The following PCDH15 variants were observed in gnomAD, a reference collection of about 807,000 sequenced individuals.
PCDH15 encodes the protein protocadherin related 15.
PCDH15 carries 129 observed loss-of-function variants against 178.5 expected under a neutral mutation model. The ratio of observed to expected loss-of-function variants is 0.72; its 90% confidence interval spans 0.63 to 0.84. PCDH15 has a LOEUF of 0.84. PCDH15 is among the 40% of genes least tolerant of loss of function. The pLI is 0.00. For missense variants in PCDH15, 2,230 were observed against 2,099.9 expected (o/e 1.06, Z -1.21); for synonymous variants, 800 against 732.0 (o/e 1.09, Z -1.50).
At chr10:54,234,411 C>G (rs111651890) in intron 9 of PCDH15, among the ~76,000 whole-genome samples, 3,629 of 152,086 alleles carry the variant, frequency 0.024, 131 homozygotes, top group African/African-American at 0.082. Flanking sequence ...ATAATCTGGT[C>G]AGGTAGTGGC....
intron 2 of PCDH15, among the ~76,000 whole-genome samples, chr10:54,577,454 T>C (rs2090599861): frequency 1.3e-5 from 2 of 151,982 alleles, no homozygotes; most frequent in African/African-American, 4.8e-5. Context: ...TCAAGAATAA[T>C]GTAAATGCAA....
intron 25 of PCDH15, among the ~76,000 whole-genome samples, chr10:53,937,541 T>C (rs191056481): frequency 6.6e-6 from 1 of 152,328 alleles, no homozygotes; most frequent in Admixed American, 6.5e-5. Context: ...AATTTAATTA[T>C]GTGAGTGATG....
chr10:55,187,836 G>A (rs1034698728), intron 1 of PCDH15, among the ~76,000 whole-genome samples: 1 of 151,922 alleles, frequency 6.6e-6, no homozygotes, highest in African/African-American at 2.4e-5. Context: ...AAAAAAATAT[G>A]GTAATTCCAG....
chr10:55,089,783 A>G (rs2132034394), intron 2 of PCDH15, among the ~76,000 whole-genome samples: 1 of 152,258 alleles, frequency 6.6e-6, no homozygotes, highest in Admixed American at 6.6e-5. Flanking sequence ...TGGAAATCCC[A>G]TTAGAACATC....
intron 2 of PCDH15, among the ~76,000 whole-genome samples, chr10:54,979,037 A>G (rs930336734): frequency 1.2e-4 from 18 of 152,284 alleles, no homozygotes; most frequent in South Asian, 6.2e-4. Context: ...TGATGTAAAT[A>G]TTATTTATCA....
At chr10:54,579,325 A>C (rs1011123522) in intron 2 of PCDH15, among the ~76,000 whole-genome samples, 2 of 152,230 alleles carry the variant, frequency 1.3e-5, no homozygotes, top group Non-Finnish European at 2.9e-5. Flanking sequence ...TGAAAAACAA[A>C]AAAGAACAAC....
intron 2 of PCDH15, among the ~76,000 whole-genome samples, chr10:55,070,370 T>A (rs1310924849): frequency 6.6e-6 from 1 of 151,518 alleles, no homozygotes; most frequent in Non-Finnish European, 1.5e-5. Context: ...ATGTCCTGAA[T>A]GGTAATGCCT....
chr10:55,114,105 C>T (rs1005910785), intron 2 of PCDH15, among the ~76,000 whole-genome samples: 6 of 152,172 alleles, frequency 3.9e-5, no homozygotes, highest in African/African-American at 9.6e-5. Flanking sequence ...CCCGCCACCA[C>T]GCCCGGCTAA....
chr10:54,725,258 C>A (rs1015040046), intron 1 of PCDH15, among the ~76,000 whole-genome samples: 5 of 150,984 alleles, frequency 3.3e-5, no homozygotes, highest in Non-Finnish European at 7.4e-5. Context: ...ATTATAGTCA[C>A]AGACACTAAA....
chr10:54,841,583 G>T (rs1953418273), intron 3 of PCDH15, among the ~76,000 whole-genome samples: 1 of 151,264 alleles, frequency 6.6e-6, no homozygotes, highest in African/African-American at 2.4e-5. Flanking sequence ...AGACAAAAAA[G>T]GAACTATAGA....
At chr10:54,332,346 A>AT in intron 6 of PCDH15, among the ~76,000 whole-genome samples, 1 of 93,646 alleles carries the variant, frequency 1.1e-5, no homozygotes, top group Non-Finnish European at 2.2e-5. Flanking sequence ...ATTATTATAT[A>AT]TAATATAATA....
chr10:54,405,525 G>A (rs1019055418), intron 3 of PCDH15, among the ~76,000 whole-genome samples: 10 of 151,996 alleles, frequency 6.6e-5, no homozygotes, highest in African/African-American at 1.9e-4. Flanking sequence ...ACACACTGAG[G>A]CCTATTGAAG....
intron 3 of PCDH15, among the ~76,000 whole-genome samples, chr10:54,418,741 C>A (rs575155356): frequency 6.6e-6 from 1 of 151,576 alleles, no homozygotes; most frequent in Admixed American, 6.6e-5. Flanking sequence ...GTGAGAAGGC[C>A]TATTGAAAAA....
intron 2 of PCDH15, among the ~76,000 whole-genome samples, chr10:54,977,993 T>G (rs1839119919): frequency 6.6e-6 from 1 of 152,206 alleles, no homozygotes; most frequent in Non-Finnish European, 1.5e-5. Flanking sequence ...GGAAAGCCTC[T>G]CATAGCATTT....
At chr10:55,529,959 G>T (rs189096593) in intron 2 of PCDH15, among the ~76,000 whole-genome samples, 109 of 150,990 alleles carry the variant, frequency 7.2e-4, no homozygotes, top group African/African-American at 2.5e-3. Context: ...AACTGACAAA[G>T]AAATGTTATC....
At position 55,267,302 on chromosome 10, in the gene PCDH15, T is replaced by A. The variant is rs190057508; in HGVS notation, c.-156+52297A>T. Among the ~76,000 whole-genome samples the A allele has an allele frequency of 6.0e-3, 913 of 152,346 alleles. 11 individuals carry two copies. The highest frequency in any genetic ancestry group is 0.02 in the African/African-American group (812 of 41,570). ...ATATCTATCTTTAATGTTGAACCTC[T>A]AAAGATGAATCCTTAGATGTGTCAT... is the stretch of plus-strand genomic sequence containing the variant. On this transcript the variant is annotated intron_variant, in intron 1 of 5. Coordinates refer to the PCDH15 transcript ENST00000458638.
intron 2 of PCDH15, among the ~76,000 whole-genome samples, chr10:54,532,910 A>G (rs970430528): frequency 6.6e-5 from 10 of 152,058 alleles, no homozygotes; most frequent in African/African-American, 1.7e-4. Context: ...GCATGGCTAC[A>G]TGGTACCAGT....
chr10:55,078,447 A>AT (rs546050769), intron 2 of PCDH15, among the ~76,000 whole-genome samples: 119 of 152,198 alleles, frequency 7.8e-4, no homozygotes, highest in Non-Finnish European at 1.2e-3. Context: ...AATACTGATA[A>AT]TTTGTATATG....
chr10:55,602,352 GC>G (rs71463109), intron 2 of PCDH15, among the ~76,000 whole-genome samples: 49,259 of 151,900 alleles, frequency 0.32, 8,553 homozygotes, highest in East Asian at 0.49. Context: ...GGTAAAAAAA[GC>G]GGCTGGGAAG....
Sources: gnomAD v4.1 joint callset for allele counts (sites outside exome capture counted in the v4.1 genomes callset) on GRCh38, gnomAD v4.1.1 for gene constraint, MANE v1.5 for transcripts, NCBI Gene and HGNC (gene_info 2026-07-23, HGNC 2026-07-21) for gene names.